SYTL2: variants seen among roughly 807,000 people sequenced by gnomAD.
SYTL2 encodes synaptotagmin-like protein 2.
Under a neutral mutation model 198.7 loss-of-function variants are expected in SYTL2, and 165 were observed. The ratio of observed to expected loss-of-function variants is 0.83; its 90% confidence interval spans 0.73 to 0.94. SYTL2 has a LOEUF of 0.94. Ranked by LOEUF, SYTL2 falls within the 40% of genes least tolerant of loss-of-function variation. The pLI is 0.00. For missense variants in SYTL2, 2,835 were observed against 2,582.8 expected (o/e 1.10, Z -2.12); for synonymous variants, 966 against 917.7 (o/e 1.05, Z -0.95).
At chr11:85,823,870 C>T in the SYTL2 span, among the ~76,000 whole-genome samples, 1 of 152,234 alleles carries the variant, frequency 6.6e-6, no homozygotes. Flanking sequence ...AAGCTCCAGT[C>T]ATCTATGTGC....
At chr11:85,750,485 C>T (rs2091447117) in intron 2 of SYTL2, among the ~76,000 whole-genome samples, 1 of 152,156 alleles carries the variant, frequency 6.6e-6, no homozygotes, top group Non-Finnish European at 1.5e-5. Context: ...TTTTCCATTG[C>T]TCCCACAGCA....
intron 1 of SYTL2, among the ~76,000 whole-genome samples, chr11:85,792,714 G>A (rs1319712358): frequency 6.6e-6 from 1 of 151,474 alleles, no homozygotes; most frequent in Non-Finnish European, 1.5e-5. Flanking sequence ...TGCCATGCTG[G>A]TGTGCTGCAC....
intron 1 of SYTL2, among the ~76,000 whole-genome samples, chr11:85,764,529 G>A (rs1347928358): frequency 6.6e-6 from 1 of 152,198 alleles, no homozygotes; most frequent in Non-Finnish European, 1.5e-5. Flanking sequence ...TTCTCAGAGA[G>A]ATCACACAGC....
intron 4 of SYTL2, among the ~76,000 whole-genome samples, chr11:85,743,409 G>A (rs565511799): frequency 9.9e-5 from 15 of 152,260 alleles, no homozygotes; most frequent in Middle Eastern, 3.4e-3. Flanking sequence ...TCCTGGATAC[G>A]CCTAACATCT....
At chr11:85,820,600 T>C in the SYTL2 span, among the ~76,000 whole-genome samples, 12 of 152,344 alleles carry the variant, frequency 7.9e-5, 1 homozygote, top group African/African-American at 2.6e-4. Flanking sequence ...TTCCAGGTGA[T>C]TCTGGCATGT....
intron 1 of SYTL2, among the ~76,000 whole-genome samples, chr11:85,796,799 C>T (rs2092810071): frequency 1.3e-5 from 2 of 152,238 alleles, no homozygotes; most frequent in African/African-American, 2.4e-5. Context: ...TAATATCTGT[C>T]AGGTCTGAGA....
rs757216212 is a variant in SYTL2, at chr11:85,734,384, C to T, written c.945G>A (p.Glu315=). Reference sequence around the variant, plus strand: ...GGGAAGAGTTGTCTTCTAAAGAATGCTCCTTCTCAGAAATTCTCTCATGGA... The same window carrying T: ...GGGAAGAGTTGTCTTCTAAAGAATGTTCCTTCTCAGAAATTCTCTCATGGA... The part of the protein sequence containing the change: ...LTIHERISEK[E]HSLEDNSSPN... Residue 315 remains glutamate, a synonymous_variant, in exon 7 of 20, where the codon GAG becomes GAA. Transcript: ENST00000359152. 43 of 1,614,080 alleles carry T rather than the reference C, an allele frequency of 2.7e-5. No homozygotes were observed. The Admixed American group carries it at 6.7e-4, about 25-fold the overall frequency.
chr11:85,816,294 C>T, the SYTL2 span, among the ~76,000 whole-genome samples: 1 of 152,324 alleles, frequency 6.6e-6, no homozygotes, highest in African/African-American at 2.4e-5. Context: ...TGACTGTCAA[C>T]ATTACACTTT....
At chr11:85,754,020 T>C (rs561580320) in intron 2 of SYTL2, among the ~76,000 whole-genome samples, 1 of 152,162 alleles carries the variant, frequency 6.6e-6, no homozygotes, top group Admixed American at 6.6e-5. Flanking sequence ...TACTCCAAAG[T>C]CTATAAAACA....
intron 2 of SYTL2, among the ~76,000 whole-genome samples, chr11:85,755,565 C>T (rs975662858): frequency 5.3e-5 from 8 of 152,186 alleles, no homozygotes; most frequent in Admixed American, 2.0e-4. Context: ...ACACCATTTT[C>T]GCTGAAGTTG....
chr11:85,711,222 C>T lies in SYTL2; in HGVS notation c.5636G>A (p.Arg1879Lys), dbSNP rs2086223431. Residue 1879 changes from arginine (R) to lysine (K), a missense_variant, in exon 13 of 20, where the codon AGA becomes AAA. Coordinates refer to ENST00000359152, the MANE Select transcript of SYTL2 (RefSeq NM_206927.4). ...PAFLQDESDDRETDTASESSY... is the reference protein window; with the variant it reads ...PAFLQDESDDKETDTASESSY... ...GCTTTCTGATGCTGTATCTGTTTCT[C>T]TGTCATCACTCTACAAAACAGCATA... is the stretch of plus-strand genomic sequence containing the variant. 1 of 1,613,936 alleles carries T rather than the reference C, an allele frequency of 6.2e-7. No homozygotes were observed.
chr11:85,745,966 T>G (rs552033304), intron 3 of SYTL2, among the ~76,000 whole-genome samples, 194 bp from the exon 4 acceptor site: 1 of 152,186 alleles, frequency 6.6e-6, no homozygotes, highest in South Asian at 2.1e-4. Context: ...GACATTAGAT[T>G]TCCCCAAGCA....
chr11:85,696,551 A>G (rs2083616661), intron 18 of SYTL2, 163 bp from the exon 19 acceptor site: 2 of 629,686 alleles, frequency 3.2e-6, no homozygotes, highest in Non-Finnish European at 5.6e-6. Flanking sequence ...GGGTAGGAAC[A>G]CATCATGCTG....
At chr11:85,699,189 T>C (rs1179092244) in intron 17 of SYTL2, among the ~76,000 whole-genome samples, 5 of 152,218 alleles carry the variant, frequency 3.3e-5, no homozygotes, top group African/African-American at 1.2e-4. Context: ...AACTCCAAGT[T>C]ATTACTGTAA....
At chr11:85,758,533 A>C (rs1441353461) in intron 1 of SYTL2, among the ~76,000 whole-genome samples, 1 of 152,222 alleles carries the variant, frequency 6.6e-6, no homozygotes, top group Non-Finnish European at 1.5e-5. Flanking sequence ...CCACTGTACT[A>C]TATATGTGCT....
rs774961996 is a variant in SYTL2 at position 85,696,212 on chromosome 11, A to C, written c.6545T>G (p.Leu2182Trp). 12 of 1,614,148 alleles carry C rather than the reference A, an allele frequency of 7.4e-6. No individual in the cohort carries two copies. The South Asian group carries it at 1.3e-4, about 18-fold the overall frequency. ...WDHYKLTNQF[L>W]GGLRIGFGTG... is the part of the protein sequence containing the mutation. ...TCCAAAGCCAATACGAAGACCTCCC[A>C]AAAATTGGTTGGTTAATTTGTAATG... Residue 2182 changes from leucine to tryptophan, a missense_variant, in exon 19 of 20, where the codon TTG (leucine) becomes TGG (tryptophan). Physicochemically the swap from Leu to Trp is moderately conservative, Grantham distance 61. Transcript: ENST00000359152.
At chr11:85,802,521 A>G (rs1418544821) in intron 1 of SYTL2, among the ~76,000 whole-genome samples, 1 of 152,150 alleles carries the variant, frequency 6.6e-6, no homozygotes, top group Non-Finnish European at 1.5e-5. Context: ...TTGCTCTCTC[A>G]GCAATCTCAC....
chr11:85,850,790 T>C, the SYTL2 span, among the ~76,000 whole-genome samples: 1 of 150,834 alleles, frequency 6.6e-6, no homozygotes, highest in African/African-American at 2.4e-5. Context: ...TGTCCGACAA[T>C]GATAGACTGG....
rs946805775 is a variant in SYTL2 at position 85,778,324 on chromosome 11, G to A, written c.-389-20210C>T. On this transcript the variant is annotated intron_variant, in intron 1 of 19. Coordinates refer to ENST00000359152, the MANE Select transcript of SYTL2 (RefSeq NM_206927.4). ...AAAGCAATTAGCAAGCAGTGGGGAT[G>A]GGGTAGAGCCCAGGACTATTTGATA... 2.6e-5 allele frequency among the ~76,000 whole-genome samples: 4 copies of A among 152,198 alleles called. No homozygotes were observed. In the East Asian group the frequency reaches 5.8e-4, roughly 22 times the overall value.
Sources: allele counts gnomAD v4.1 joint callset (sites outside exome capture counted in the v4.1 genomes callset), GRCh38; gene constraint gnomAD v4.1.1; transcripts MANE v1.5; gene names NCBI Gene and HGNC (gene_info 2026-07-23, HGNC 2026-07-21).